WIPF3: variants seen among roughly 807,000 people sequenced by gnomAD.
The protein encoded by WIPF3 is WAS/WASL interacting protein family member 3, also known as WAS/WASL-interacting protein family member 3.
Under a neutral mutation model 38.9 loss-of-function variants are expected in WIPF3, and 33 were observed. The observed-to-expected ratio is 0.85, with a 90% CI of 0.64 to 1.14. WIPF3 has a LOEUF of 1.14. Among genes scored for constraint, WIPF3 ranks in the 50% most tolerant of loss-of-function variants. The probability of loss-of-function intolerance (pLI) is 0.00; values close to 1 mark genes in which losing one functional copy is unlikely to be tolerated. For missense variants in WIPF3, 711 were observed against 652.5 expected (o/e 1.09, Z -0.98); for synonymous variants, 324 against 269.3 (o/e 1.20, Z -1.99).
chr7:29,883,792 TGCGGGG>T, intron 4 of WIPF3, 52 bp from the exon 5 acceptor site: 1 of 1,504,834 alleles, frequency 6.6e-7, no homozygotes, highest in African/African-American at 1.4e-5. Flanking sequence ...GCCGCCTACC[TGCGGGG>T]GCTTTCTCCT....
chr7:29,904,559 AGG>A (rs1347180731), intron 8 of WIPF3, 197 bp downstream of exon 8: 2 of 572,568 alleles, frequency 3.5e-6, no homozygotes, highest in Admixed American at 3.2e-5. Flanking sequence ...GTGTGACAAA[AGG>A]GGGCTTCCCT....
intron 1 of WIPF3, among the ~76,000 whole-genome samples, chr7:29,830,215 T>C (rs1784695797): frequency 6.7e-6 from 1 of 150,186 alleles, no homozygotes; most frequent in African/African-American, 2.5e-5. Context: ...CGGTGGCACC[T>C]AAGCATTCCC....
chr7:29,890,677 G>GTGTGC (rs944762592), intron 7 of WIPF3, among the ~76,000 whole-genome samples: 5 of 150,214 alleles, frequency 3.3e-5, no homozygotes, highest in African/African-American at 1.2e-4. Context: ...CAGGCCTGCC[G>GTGTGC]TGTGCTCAGG....
intron 2 of WIPF3, among the ~76,000 whole-genome samples, chr7:29,841,441 G>A (rs1174990301): frequency 5.3e-5 from 8 of 152,174 alleles, no homozygotes; most frequent in Non-Finnish European, 1.0e-4. Context: ...AAAGCCAGAC[G>A]GGCTCTCTTC....
At chr7:29,854,555 T>C (rs1367245765) in intron 2 of WIPF3, among the ~76,000 whole-genome samples, 1 of 152,194 alleles carries the variant, frequency 6.6e-6, no homozygotes, top group African/African-American at 2.4e-5. Context: ...GTTTAACAGA[T>C]GACGAATCCC....
intron 8 of WIPF3, among the ~76,000 whole-genome samples, chr7:29,912,885 G>C (rs62459562): frequency 0.14 from 21,009 of 152,190 alleles, 1,535 homozygotes; most frequent in Middle Eastern, 0.16. Flanking sequence ...ACAGCAAGTA[G>C]ACTGGTGCTT....
At chr7:29,874,059 C>T (rs912112481) in intron 2 of WIPF3, among the ~76,000 whole-genome samples, 2 of 152,128 alleles carry the variant, frequency 1.3e-5, no homozygotes, top group Non-Finnish European at 2.9e-5. Flanking sequence ...TCATTTCTGG[C>T]CTCTTGGTGG....
Position 29,889,364 on chromosome 7 carries a change from A to T in WIPF3, c.1308A>T (p.Glu436Asp). The part of the protein sequence containing the change: ...HSVEDFPPPD[E>D]YKPCQKIYPS... The stretch of plus-strand genomic sequence containing the variant: ...TGGAAGACTTTCCCCCTCCGGATGA[A>T]TATAAACCATGCCAGAAGATTTACC... Residue 436 changes from glutamate (E) to aspartate (D), a missense_variant, in exon 7 of 9, where the codon GAA becomes GAT. By Grantham distance (45) the Glu-to-Asp change is conservative. Coordinates refer to ENST00000242140, the MANE Select transcript of WIPF3 (RefSeq NM_001080529.3). 1 of 1,614,008 alleles carries T rather than the reference A, an allele frequency of 6.2e-7. No individual in the cohort carries two copies. Among genetic ancestry groups the T allele is most frequent in the Non-Finnish European group, 8.5e-7 (1 of 1,179,894 alleles).
intron 4 of WIPF3, among the ~76,000 whole-genome samples, chr7:29,879,736 A>G (rs966511922): frequency 6.6e-6 from 1 of 152,210 alleles, no homozygotes; most frequent in Non-Finnish European, 1.5e-5. Flanking sequence ...AGCCTCAGCT[A>G]TAACCACTGG....
At position 29,888,208 on chromosome 7, in the gene WIPF3, C is replaced by T. The variant is rs375082324; in HGVS notation, c.1240C>T (p.His414Tyr). 18 of 1,608,764 alleles carry T rather than the reference C, an allele frequency of 1.1e-5. No homozygotes were observed. In the African/African-American group the frequency reaches 1.7e-4, roughly 16 times the overall value. ...PGGQLRNGSL[H>Y]IIDDFESKFT... is the part of the protein sequence containing the mutation. ...AGGTCAACTGCGAAATGGAAGCCTG[C>T]ACATCATTGGTAAGTGGGTTGCACC... The change falls in exon 6 of 9, where the codon CAC becomes TAC. Residue 414 changes from histidine to tyrosine, a missense_variant. His to Tyr is a moderately conservative substitution (Grantham distance 83). Transcript: ENST00000242140.
chr7:29,810,099 A>G (rs1166589127), intron 1 of WIPF3, among the ~76,000 whole-genome samples: 1 of 152,154 alleles, frequency 6.6e-6, no homozygotes, highest in Non-Finnish European at 1.5e-5. Context: ...GTTCCTTAAG[A>G]GCTAATGACT....
chr7:29,905,375 G>C (rs1055234024), intron 8 of WIPF3: 2 of 152,238 alleles, frequency 1.3e-5, no homozygotes, highest in African/African-American at 2.4e-5. Context: ...TGAGAAGATG[G>C]CAGAGGAGAA....
At chr7:29,899,309 CT>C (rs1182409859) in intron 7 of WIPF3, among the ~76,000 whole-genome samples, 8 of 152,248 alleles carry the variant, frequency 5.3e-5, no homozygotes, top group African/African-American at 1.9e-4. Flanking sequence ...GAGGTCTCCC[CT>C]GACTACCCTG....
At chr7:29,842,934 A>T (rs181659018) in intron 2 of WIPF3, among the ~76,000 whole-genome samples, 10 of 152,310 alleles carry the variant, frequency 6.6e-5, no homozygotes, top group African/African-American at 1.9e-4. Context: ...TGGTACTTCG[A>T]TTAGTGTCAC....
intron 2 of WIPF3, among the ~76,000 whole-genome samples, chr7:29,840,393 T>A (rs929505279): frequency 2.0e-5 from 3 of 152,234 alleles, no homozygotes; most frequent in African/African-American, 7.2e-5. Flanking sequence ...CCTACATTAC[T>A]GGCTTTTATA....
At chr7:29,875,036 G>A (rs748685069) in intron 2 of WIPF3, among the ~76,000 whole-genome samples, 1 of 152,206 alleles carries the variant, frequency 6.6e-6, no homozygotes, top group Middle Eastern at 3.4e-3. Flanking sequence ...GTAAGATGAG[G>A]GCAAACTCAC....
At chr7:29,809,408 C>T (rs1243877410) in intron 1 of WIPF3, among the ~76,000 whole-genome samples, 1 of 152,218 alleles carries the variant, frequency 6.6e-6, no homozygotes, top group Non-Finnish European at 1.5e-5. Context: ...TTTGCCTTGT[C>T]ACAGTGGTGC....
rs373490288 is a variant in WIPF3 at position 29,866,920 on chromosome 7, C to T, written c.91-8910C>T. On this transcript the variant is annotated intron_variant, in intron 2 of 8. Transcript: ENST00000242140. ...CTGTGTTGTGATGAAGAAAGCCAAA[C>T]TTGCCTGTACTCACTGCTCAGCTCT... 1.2e-4 allele frequency among the ~76,000 whole-genome samples: 19 copies of T among 152,358 alleles called. No homozygotes were observed. In the South Asian group the frequency reaches 3.1e-3, roughly 25 times the overall value.
At chr7:29,839,171 A>G (rs1042006286) in intron 2 of WIPF3, among the ~76,000 whole-genome samples, 2 of 152,230 alleles carry the variant, frequency 1.3e-5, no homozygotes, top group African/African-American at 4.8e-5. Context: ...ACAGGTGGCG[A>G]TGACATACAG....
Sources: allele counts gnomAD v4.1 joint callset (sites outside exome capture counted in the v4.1 genomes callset), GRCh38; gene constraint gnomAD v4.1.1; transcripts MANE v1.5; gene names NCBI Gene and HGNC (gene_info 2026-07-23, HGNC 2026-07-21).